Variants in LHFPL6 observed in about 807,000 individuals in gnomAD.
The protein encoded by LHFPL6 is LHFPL tetraspan subfamily member 6 protein.
A neutral mutation model predicts 20.6 loss-of-function variants in LHFPL6; 9 were observed. The ratio of observed to expected loss-of-function variants is 0.44; its 90% CI spans 0.26 to 0.76. LHFPL6 has a LOEUF of 0.76. LHFPL6 is among the 30% of genes least tolerant of loss of function. LHFPL6 has a pLI of 0.20. For missense variants in LHFPL6, 218 were observed against 253.5 expected (o/e 0.86, Z 0.95); for synonymous variants, 105 against 98.7 (o/e 1.06, Z -0.38).
chr13:39,430,721 C>G (rs1871771378), intron 2 of LHFPL6, among the ~76,000 whole-genome samples: 1 of 152,180 alleles, frequency 6.6e-6, no homozygotes. Flanking sequence ...TCAATCGGCA[C>G]TCTGTAAAAA....
chr13:39,381,713 C>T (rs1274199279), intron 2 of LHFPL6, among the ~76,000 whole-genome samples: 1 of 150,908 alleles, frequency 6.6e-6, no homozygotes, highest in Non-Finnish European at 1.5e-5. Flanking sequence ...TTAAATTTAA[C>T]AGAGTTTAAT....
chr13:39,546,219 A>G (rs1031532876), intron 2 of LHFPL6, among the ~76,000 whole-genome samples: 1 of 152,098 alleles, frequency 6.6e-6, no homozygotes, highest in Non-Finnish European at 1.5e-5. Flanking sequence ...TGACCTAGCT[A>G]GTAATACACA....
At chr13:39,527,587 T>C (rs1870332591) in intron 2 of LHFPL6, among the ~76,000 whole-genome samples, 1 of 152,182 alleles carries the variant, frequency 6.6e-6, no homozygotes, top group African/African-American at 2.4e-5. Flanking sequence ...AAGAACTTCC[T>C]GATATGGGAA....
At position 39,454,491 on chromosome 13, in the gene LHFPL6, T is replaced by C. The variant is rs1320340379; in HGVS notation, c.386-75965A>G. Among the ~76,000 whole-genome samples the C allele has an allele frequency of 2.3e-5, 2 of 85,978 alleles. 1 individual carries two copies. The highest frequency in any genetic ancestry group is 1.3e-4 in the African/African-American group (2 of 15,718). 56.4% of individuals were successfully genotyped at this position (85,978 alleles called of 152,430 possible). A position where few individuals can be genotyped will look rare whatever the true frequency, so the allele number is the denominator to read the frequency against. On this transcript the variant is annotated intron_variant, in intron 2 of 3. Transcript: ENST00000379589. ...AAAAATACAAAAAATTAGCCGGGCG[T>C]AGTGGCGGGCGCCTGTAGTCCCAGC...
intron 2 of LHFPL6, among the ~76,000 whole-genome samples, chr13:39,435,288 T>C (rs73460972): frequency 0.013 from 1,983 of 152,224 alleles, 38 homozygotes; most frequent in African/African-American, 0.042. Context: ...GACTTGAGCA[T>C]TGGGCTAACG....
intron 2 of LHFPL6, among the ~76,000 whole-genome samples, chr13:39,527,038 C>T (rs1261357908): frequency 6.6e-6 from 1 of 152,184 alleles, no homozygotes; most frequent in African/African-American, 2.4e-5. Context: ...TGCACATCCT[C>T]TACTTTTAGA....
In LHFPL6 at chr13:39,361,733, T is replaced by C. The variant is rs985178569; in HGVS notation, c.484+16695A>G. 3.3e-5 allele frequency among the ~76,000 whole-genome samples: 5 copies of C among 152,372 alleles called. No individual in the cohort carries two copies. In the South Asian group the frequency reaches 1.0e-3, roughly 32 times the overall value. The stretch of plus-strand genomic sequence containing the variant: ...ACCCAGCACAAGGAAATGAGTTCCA[T>C]TTCTTTTATTAATAATTCTGTATGT... On this transcript the variant is annotated intron_variant, in intron 3 of 3. Coordinates refer to ENST00000379589, the MANE Select transcript of LHFPL6 (RefSeq NM_005780.3).
At chr13:39,446,217 C>T (rs1872285334) in intron 2 of LHFPL6, among the ~76,000 whole-genome samples, 1 of 152,176 alleles carries the variant, frequency 6.6e-6, no homozygotes, top group Non-Finnish European at 1.5e-5. Flanking sequence ...CAGATACAGC[C>T]TGAAGCCCAT....
At position 39,364,702 on chromosome 13, in the gene LHFPL6, C is replaced by CTTG. The variant is rs1428755136; in HGVS notation, c.484+13725_484+13726insCAA. On this transcript the variant is annotated intron_variant, in intron 3 of 3. Transcript: ENST00000379589. ...AAAGTTCTGGGATACACGTGCAGAA[C>CTTG]ATGCGGATTTGTTGCATAGGTATAC... is the stretch of plus-strand genomic sequence containing the variant. 3.4e-4 allele frequency among the ~76,000 whole-genome samples: 51 copies of CTTG among 152,076 alleles called. No individual in the cohort carries two copies. The East Asian group carries it at 9.9e-3, about 29-fold the overall frequency.
intron 2 of LHFPL6, among the ~76,000 whole-genome samples, chr13:39,523,852 G>T (rs1250938323): frequency 6.6e-6 from 1 of 152,044 alleles, no homozygotes; most frequent in Non-Finnish European, 1.5e-5. Flanking sequence ...CAAGAAAGAC[G>T]GAAAAGAGGT....
intron 2 of LHFPL6, among the ~76,000 whole-genome samples, chr13:39,406,654 A>C (rs898197555): frequency 2.6e-5 from 4 of 152,224 alleles, no homozygotes; most frequent in Non-Finnish European, 5.9e-5. Context: ...TCTGAATAAA[A>C]TAGTCAATTA....
intron 3 of LHFPL6, among the ~76,000 whole-genome samples, chr13:39,376,943 T>C (rs752821881): frequency 9.9e-5 from 15 of 152,128 alleles, no homozygotes; most frequent in Non-Finnish European, 2.1e-4. Context: ...TCTCTCACCT[T>C]CCCCTGCTGC....
chr13:39,450,815 C>T (rs1046935011), intron 2 of LHFPL6, among the ~76,000 whole-genome samples: 2 of 152,160 alleles, frequency 1.3e-5, no homozygotes, highest in African/African-American at 2.4e-5. Flanking sequence ...TATTCCCATA[C>T]AGTATTTTAC....
At chr13:39,432,407 C>T (rs1871836276) in intron 2 of LHFPL6, among the ~76,000 whole-genome samples, 1 of 152,176 alleles carries the variant, frequency 6.6e-6, no homozygotes, top group Non-Finnish European at 1.5e-5. Flanking sequence ...ACATTCTACA[C>T]ATGCTACCTT....
intron 2 of LHFPL6, among the ~76,000 whole-genome samples, chr13:39,388,712 G>A (rs1016086166): frequency 1.1e-4 from 16 of 152,158 alleles, no homozygotes; most frequent in African/African-American, 3.9e-4. Context: ...AGTGTTGTGG[G>A]AGAGATTTGC....
At position 39,565,752 on chromosome 13, in the gene LHFPL6, T is replaced by C. The variant is rs568168572; in HGVS notation, c.385+35080A>G. 4.6e-5 allele frequency among the ~76,000 whole-genome samples: 7 copies of C among 152,336 alleles called. No homozygotes were observed. In the East Asian group the frequency reaches 9.6e-4, roughly 21 times the overall value. ...TTCTTTTGAAAAACTGAGAACTATT[T>C]GCATGAGAATTATCACTCTGAAGCA... is the stretch of plus-strand genomic sequence containing the variant. On this transcript the variant is annotated intron_variant, in intron 2 of 3. Transcript: ENST00000379589.
intron 2 of LHFPL6, among the ~76,000 whole-genome samples, chr13:39,595,583 G>A (rs1461274050): frequency 3.9e-5 from 6 of 152,150 alleles, no homozygotes; most frequent in Non-Finnish European, 7.4e-5. Flanking sequence ...GTGAGCCACC[G>A]CGCCCAGCAT....
intron 2 of LHFPL6, among the ~76,000 whole-genome samples, chr13:39,389,407 G>T (rs557285134): frequency 6.6e-6 from 1 of 152,154 alleles, no homozygotes; most frequent in Non-Finnish European, 1.5e-5. Context: ...AGGCCAAAAC[G>T]TATAAAGAAG....
At chr13:39,555,321 G>A (rs117844860) in intron 2 of LHFPL6, among the ~76,000 whole-genome samples, 2,118 of 145,250 alleles carry the variant, frequency 0.015, 69 homozygotes, top group East Asian at 0.11. Context: ...AGCTCTCCCC[G>A]CCCTTTTTTT....
Sources: gnomAD v4.1 joint callset for allele counts (sites outside exome capture counted in the v4.1 genomes callset) on GRCh38, gnomAD v4.1.1 for gene constraint, MANE v1.5 for transcripts, NCBI Gene and HGNC (gene_info 2026-07-23, HGNC 2026-07-21) for gene names.